NPAS3: variants seen among roughly 807,000 people sequenced by gnomAD.
The protein encoded by NPAS3 is neuronal PAS domain protein 3.
NPAS3 carries 14 observed loss-of-function variants against 73.1 expected under a neutral mutation model. That is an observed-to-expected ratio of 0.19 (90% CI 0.13 to 0.30). NPAS3 has a LOEUF of 0.30. Ranked by LOEUF, NPAS3 falls within the 10% of genes least tolerant of loss-of-function variation. The pLI, the probability that NPAS3 is intolerant of heterozygous loss-of-function variation, is 1.00. For missense variants in NPAS3, 1,096 were observed against 1,250.0 expected, an observed-to-expected ratio of 0.88 and a Z score of 1.86; for synonymous variants, 620 against 541.5, an observed-to-expected ratio of 1.14 and a Z score of -2.01.
chr14:33,051,296 A>AAAAAAAAAAAAAG (rs771840433), intron 1 of NPAS3, among the ~76,000 whole-genome samples: 6 of 142,526 alleles, frequency 4.2e-5, no homozygotes, highest in African/African-American at 1.4e-4. Context: ...AAAAAAAAAA[A>AAAAAAAAAAAAAG]AGAGAGACTA....
At chr14:33,636,008 G>A (rs536976976) in intron 5 of NPAS3, among the ~76,000 whole-genome samples, 19 of 152,214 alleles carry the variant, frequency 1.2e-4, no homozygotes, top group Non-Finnish European at 5.9e-5. Flanking sequence ...GCAATGGCAC[G>A]ATCTCCGCCT....
intron 5 of NPAS3, among the ~76,000 whole-genome samples, chr14:33,606,520 G>A (rs946535556): frequency 2.6e-5 from 4 of 151,640 alleles, no homozygotes; most frequent in African/African-American, 9.7e-5. Context: ...AAGTTGTGCT[G>A]GAACAATGGG....
At chr14:33,024,616 G>A (rs531004586) in intron 1 of NPAS3, among the ~76,000 whole-genome samples, 6 of 152,242 alleles carry the variant, frequency 3.9e-5, no homozygotes, top group East Asian at 1.9e-4. Context: ...AATGCTTACC[G>A]TATAATGTTA....
At chr14:33,131,128 G>A (rs988027370) in intron 2 of NPAS3, among the ~76,000 whole-genome samples, 1 of 152,050 alleles carries the variant, frequency 6.6e-6, no homozygotes, top group African/African-American at 2.4e-5. Flanking sequence ...CTACATACCA[G>A]GTTCTGTGGG....
intron 3 of NPAS3, among the ~76,000 whole-genome samples, chr14:33,354,482 T>C (rs1042361632): frequency 2.6e-5 from 4 of 152,150 alleles, no homozygotes; most frequent in African/African-American, 9.7e-5. Flanking sequence ...TAAATGCAGA[T>C]TTTCCCTGAG....
intron 3 of NPAS3, among the ~76,000 whole-genome samples, chr14:33,301,856 A>G (rs1318774705): frequency 1.3e-5 from 2 of 152,138 alleles, no homozygotes; most frequent in East Asian, 3.9e-4. Context: ...TTGTTTTCCC[A>G]TGGTGTAATG....
intron 1 of NPAS3, among the ~76,000 whole-genome samples, chr14:33,035,823 C>T (rs60337182): frequency 6.6e-6 from 1 of 152,034 alleles, no homozygotes; most frequent in Non-Finnish European, 1.5e-5. Context: ...GCTTTGGGTA[C>T]GGGGGACGCC....
intron 4 of NPAS3, among the ~76,000 whole-genome samples, chr14:33,419,229 A>G (rs2048275034): frequency 6.6e-6 from 1 of 151,922 alleles, no homozygotes; most frequent in Admixed American, 6.6e-5. Context: ...GGTTAAGGAG[A>G]AAGAGTAGTT....
chr14:33,505,003 A>G (rs1337250997), intron 4 of NPAS3, among the ~76,000 whole-genome samples: 1 of 152,060 alleles, frequency 6.6e-6, no homozygotes, highest in Non-Finnish European at 1.5e-5. Context: ...GTCTCTCTCA[A>G]GTAAATTGAA....
At chr14:33,765,945 C>A (rs767572820) in intron 7 of NPAS3, among the ~76,000 whole-genome samples, 4 of 152,212 alleles carry the variant, frequency 2.6e-5, no homozygotes, top group Non-Finnish European at 4.4e-5. Flanking sequence ...ATAAGCTCTC[C>A]ACGTGATTCC....
At chr14:33,634,805 T>G (rs2058471454) in intron 5 of NPAS3, among the ~76,000 whole-genome samples, 1 of 152,178 alleles carries the variant, frequency 6.6e-6, no homozygotes. Context: ...TCATCAGTCT[T>G]GCTATTAGCC....
At chr14:33,681,067 T>C (rs1306593187) in intron 6 of NPAS3, 2 of 156,486 alleles carry the variant, frequency 1.3e-5, no homozygotes, top group Middle Eastern at 6.2e-3. Flanking sequence ...GGTAAATTGC[T>C]GACTACTCCT....
At chr14:33,221,949 A>G (rs1133712) in intron 3 of NPAS3, among the ~76,000 whole-genome samples, 44,651 of 152,048 alleles carry the variant, frequency 0.29, 7,450 homozygotes, top group South Asian at 0.46. Context: ...TCAAAATTTT[A>G]CATCACATGG....
chr14:33,049,219 T>A (rs1026294349), intron 1 of NPAS3, among the ~76,000 whole-genome samples: 2 of 152,230 alleles, frequency 1.3e-5, no homozygotes, highest in Admixed American at 1.3e-4. Flanking sequence ...GATACAACCC[T>A]TTATGTTGTT....
At position 33,379,722 on chromosome 14, in the gene NPAS3, G is replaced by A. The variant is rs1212323985; in HGVS notation, c.468+12454G>A. 5.3e-5 allele frequency among the ~76,000 whole-genome samples: 8 copies of A among 152,110 alleles called. No individual in the cohort carries two copies. In the East Asian group the frequency reaches 9.6e-4, roughly 18 times the overall value. On this transcript the variant is annotated intron_variant, in intron 4 of 11. Transcript: ENST00000356141. ...GGGTGGGTGGGTGATAATGTGCATCGTTTCTCAAACTAAGTTGATTGCAGA... is the reference window on the plus strand; with the variant it reads ...GGGTGGGTGGGTGATAATGTGCATCATTTCTCAAACTAAGTTGATTGCAGA...
intron 5 of NPAS3, among the ~76,000 whole-genome samples, chr14:33,630,378 C>T (rs374670685): frequency 1.3e-5 from 2 of 152,294 alleles, no homozygotes; most frequent in African/African-American, 4.8e-5. Flanking sequence ...TGGGCAATGG[C>T]TCCAGCCCCC....
intron 4 of NPAS3, among the ~76,000 whole-genome samples, chr14:33,426,155 C>G (rs1372306270): frequency 6.6e-6 from 1 of 151,988 alleles, no homozygotes; most frequent in East Asian, 1.9e-4. Flanking sequence ...GAAGATAAGA[C>G]AGGGATGAAC....
At chr14:33,449,079 G>T (rs370592211) in intron 4 of NPAS3, among the ~76,000 whole-genome samples, 1 of 152,168 alleles carries the variant, frequency 6.6e-6, no homozygotes, top group African/African-American at 2.4e-5. Context: ...CACCCCAACC[G>T]CATAGGCCTC....
chr14:32,935,112 G>T (rs1437825121), upstream of NPAS3: 10 of 494,068 alleles, frequency 2.0e-5, no homozygotes, highest in Non-Finnish European at 2.8e-5. Flanking sequence ...CATTGCCAGG[G>T]CTCACTTTGC....
Sources: allele counts gnomAD v4.1 joint callset (sites outside exome capture counted in the v4.1 genomes callset), GRCh38; gene constraint gnomAD v4.1.1; transcripts MANE v1.5; gene names NCBI Gene and HGNC (gene_info 2026-07-23, HGNC 2026-07-21).